Variants in MAP3K11 observed in about 807,000 individuals in gnomAD.
MAP3K11 encodes mitogen-activated protein kinase kinase kinase 11, also known as SH3 domain-containing proline-rich kinase.
Under a neutral mutation model 84.9 loss-of-function variants are expected in MAP3K11, and 46 were observed. That is an observed-to-expected ratio of 0.54 (90% CI 0.43 to 0.69). MAP3K11 has a LOEUF of 0.69. Ranked by LOEUF, MAP3K11 falls within the 30% of genes least tolerant of loss-of-function variation. The pLI, the probability that MAP3K11 is intolerant of heterozygous loss-of-function variation, is 0.00. For synonymous variants in MAP3K11, 527 were observed against 514.7 expected, an observed-to-expected ratio of 1.02 and a Z score of -0.32; for missense variants, 1,053 against 1,198.3, an observed-to-expected ratio of 0.88 and a Z score of 1.79.
Position 65,607,962 on chromosome 11 carries a change from G to A in MAP3K11, c.1029C>T (p.Ile343=), listed in dbSNP as rs368967593. 3 of 1,614,194 alleles carry A rather than the reference G, an allele frequency of 1.9e-6. No individual in the cohort carries two copies. Among genetic ancestry groups the A allele is most frequent in the Non-Finnish European group, 1.7e-6 (2 of 1,180,036 alleles). Residue 343 remains isoleucine (I), a synonymous_variant, in exon 3 of 10, where the codon ATC becomes ATT. Coordinates refer to ENST00000309100, the MANE Select transcript of MAP3K11 (RefSeq NM_002419.4). ...CGAAGGGCTCGGGGCAGGTGGATGGGATGGGCAGTGTGAGCTTGTTAACAG... is the reference window on the plus strand; with the variant it reads ...CGAAGGGCTCGGGGCAGGTGGATGGAATGGGCAGTGTGAGCTTGTTAACAG... ...GVAVNKLTLP[I]PSTCPEPFAQ...
chr11:65,599,040 T>C (rs543461937), intron 9 of MAP3K11, among the ~76,000 whole-genome samples: 106 of 152,338 alleles, frequency 7.0e-4, no homozygotes, highest in African/African-American at 2.4e-3. Context: ...ACATGTATGC[T>C]GTGTCGCCCA....
In MAP3K11 at chr11:65,614,207, C is replaced by G. The variant is rs1854628179; in HGVS notation, c.-451G>C. On this transcript the variant is annotated 5_prime_UTR_variant, in exon 1 of 10. Transcript: ENST00000309100. ...TGTTCCTGGCCCCGTCTCCTTTGGCCCCGACGGCTCCGACCCCGCTCCCTT... is the reference window on the plus strand; with the variant it reads ...TGTTCCTGGCCCCGTCTCCTTTGGCGCCGACGGCTCCGACCCCGCTCCCTT... The G allele has an allele frequency of 6.0e-6, 1 of 165,954 alleles. No individual in the cohort carries two copies. Among genetic ancestry groups the G allele is most frequent in the African/African-American group, 2.4e-5 (1 of 41,850 alleles). 10.3% of individuals were successfully genotyped at this position (165,954 alleles called of 1,614,324 possible).
At chr11:65,599,300 G>A (rs1854421384) in intron 9 of MAP3K11, 94 bp downstream of exon 9, 5 of 1,403,232 alleles carry the variant, frequency 3.6e-6, no homozygotes, top group Non-Finnish European at 4.7e-6. Flanking sequence ...TGTGGTCTCG[G>A]CCTTGCCTCC....
At chr11:65,600,142 G>A (rs924712962) in intron 8 of MAP3K11, among the ~76,000 whole-genome samples, 4 of 152,314 alleles carry the variant, frequency 2.6e-5, no homozygotes, top group South Asian at 2.1e-4. Context: ...GACTGGGACC[G>A]GCGCCCTGTG....
rs569473618 is a variant in MAP3K11 at position 65,598,595 on chromosome 11, C to G, written c.2240G>C (p.Arg747Pro). 1 of 1,572,556 alleles carries G rather than the reference C, an allele frequency of 6.4e-7. No homozygotes were observed. The highest frequency in any genetic ancestry group is 1.8e-5 in the Admixed American group (1 of 54,804). ...GTVSPPPGTSRSAPGTPGTPR... is the reference protein window; with the variant it reads ...GTVSPPPGTSPSAPGTPGTPR... ...GGTGCCTGGGGTGCCAGGAGCAGAG[C>G]GTGATGTCCCCGGTGGGGGTGAGAC... The change falls in exon 10 of 10, where the codon CGC becomes CCC. Residue 747 changes from arginine to proline, a missense_variant. Arg to Pro is a moderately radical substitution (Grantham distance 103). Coordinates refer to ENST00000309100, the MANE Select transcript of MAP3K11 (RefSeq NM_002419.4).
chr11:65,607,641 CT>C lies in MAP3K11; in HGVS notation c.1244del (p.Lys415ArgfsTer4). On this transcript the variant is annotated frameshift_variant and splice_region_variant, in exon 4 of 10. Coordinates refer to ENST00000309100, the MANE Select transcript of MAP3K11 (RefSeq NM_002419.4). LOFTEE classifies it high-confidence loss of function. ...GLFDELRAKE[K>X]ELLSREEELT... ...CGCTGGGTCCCTTGATTCCTCGCAC[CT>C]TTTCCTTGGCTCGCAGCTCGTCGAA... is the stretch of plus-strand genomic sequence containing the variant. The C allele has an allele frequency of 2.5e-6, 4 of 1,604,810 alleles. No homozygotes were observed. Among genetic ancestry groups the C allele is most frequent in the Non-Finnish European group, 2.6e-6 (3 of 1,173,686 alleles).
chr11:65,598,282 C>T lies in MAP3K11; in HGVS notation c.*9G>A, dbSNP rs751789271. ...GGCAGCTGGAGCTCGGGGGAGTGGC[C>T]TGGCCCACTCAAGGCCCCGCTTCCG... is the stretch of plus-strand genomic sequence containing the variant. On this transcript the variant is annotated 3_prime_UTR_variant, in exon 10 of 10. Coordinates refer to ENST00000309100, the MANE Select transcript of MAP3K11 (RefSeq NM_002419.4). 4.8e-6 allele frequency: 7 copies of T among 1,462,134 alleles called. 1 individual carries two copies. The South Asian group carries it at 7.3e-5, about 15-fold the overall frequency. 90.6% of individuals were successfully genotyped at this position (1,462,134 alleles called of 1,614,324 possible).
At chr11:65,608,587 C>A in intron 1 of MAP3K11, 139 bp from the exon 2 acceptor site, 1 of 656,824 alleles carries the variant, frequency 1.5e-6, no homozygotes, top group Admixed American at 3.0e-5. Context: ...ATCTTGAGGA[C>A]CTACTTGAGG....
chr11:65,610,710 C>T (rs560208755), intron 1 of MAP3K11: 1 of 152,402 alleles, frequency 6.6e-6, no homozygotes, highest in Non-Finnish European at 1.5e-5. Context: ...ACTTGTGGCA[C>T]CCCAGACTGG....
intron 9 of MAP3K11, 105 bp from the exon 10 acceptor site, chr11:65,598,733 C>T: frequency 1.3e-6 from 1 of 796,848 alleles, no homozygotes; most frequent in Non-Finnish European, 1.8e-6. Context: ...GCACAGTGAC[C>T]TACTTGACTC....
intron 1 of MAP3K11, 156 bp from the exon 2 acceptor site, chr11:65,608,604 ATTTCT>A (rs1269393077): frequency 2.6e-5 from 16 of 604,286 alleles, no homozygotes; most frequent in African/African-American, 7.6e-5. Context: ...GAGGTCAGAC[ATTTCT>A]TTTCTTTTCC....
At chr11:65,602,727 C>A (rs556877193) in intron 8 of MAP3K11, among the ~76,000 whole-genome samples, 1 of 151,512 alleles carries the variant, frequency 6.6e-6, no homozygotes, top group Non-Finnish European at 1.5e-5. Flanking sequence ...ATTGCTTGAA[C>A]GTGGGAGGTG....
At chr11:65,605,642 T>C in intron 8 of MAP3K11, 119 bp downstream of exon 8, 1 of 698,628 alleles carries the variant, frequency 1.4e-6, no homozygotes, top group South Asian at 2.1e-5. Flanking sequence ...TTTCCTAGTC[T>C]CTAGAATGAG....
intron 7 of MAP3K11, 33 bp from the exon 8 acceptor site, chr11:65,605,885 G>C: frequency 2.5e-6 from 4 of 1,612,746 alleles, no homozygotes; most frequent in Non-Finnish European, 3.4e-6. Flanking sequence ...GGGTGCTTTA[G>C]GAATTTCAGG....
chr11:65,599,743 C>A lies in MAP3K11; in HGVS notation c.1857G>T (p.Glu619Asp). Reference protein sequence around the residue: ...LNGNPPRPSLEPEEPKRPVPA... With the variant: ...LNGNPPRPSLDPEEPKRPVPA... ...GGACAGGCCTCTTGGGCTCCTCGGG[C>A]TCCAGGCTAGGCCGCGGGGGGTTAC... Residue 619 changes from glutamate to aspartate, a missense_variant, in exon 9 of 10, where the codon GAG becomes GAT. Physicochemically the swap from Glu to Asp is conservative, Grantham distance 45. This residue lies in a region of MAP3K11 where 583 missense variants were observed against 566.6 expected (regional missense o/e 1.03). Transcript: ENST00000309100. 1 of 1,592,434 alleles carries A rather than the reference C, an allele frequency of 6.3e-7. No individual in the cohort carries two copies.
At position 65,605,816 on chromosome 11, in the gene MAP3K11, C is replaced by T. The variant is rs1258965001; in HGVS notation, c.1776G>A (p.Leu592=). The change falls in exon 8 of 10, where the codon CTG becomes CTA. Residue 592 remains leucine, a synonymous_variant. Transcript: ENST00000309100. ...RSRMDEATWY[L]DSDDSSPLGS... is the part of the protein sequence containing the mutation. ...CTAAGGGGGATGAGTCATCTGAATCCAGGTACCATGTGGCTTCGTCCATGC... is the reference window on the plus strand; with the variant it reads ...CTAAGGGGGATGAGTCATCTGAATCTAGGTACCATGTGGCTTCGTCCATGC... The T allele has an allele frequency of 6.2e-7, 1 of 1,613,018 alleles. No homozygotes were observed. The highest frequency in any genetic ancestry group is 1.1e-5 in the South Asian group (1 of 90,930).
In MAP3K11 at chr11:65,606,883, G is replaced by T. The variant is rs990686572; in HGVS notation, c.1490-79C>A. The T allele has an allele frequency of 3.8e-5, 35 of 911,040 alleles. No individual in the cohort carries two copies. In the African/African-American group the frequency reaches 5.6e-4, roughly 15 times the overall value. 56.4% of individuals were successfully genotyped at this position (911,040 alleles called of 1,614,324 possible). A position where few individuals can be genotyped will look rare whatever the true frequency, so the allele number is the denominator to read the frequency against. On this transcript the variant is annotated intron_variant, in intron 5 of 9. Coordinates refer to ENST00000309100, the MANE Select transcript of MAP3K11 (RefSeq NM_002419.4). The stretch of plus-strand genomic sequence containing the variant: ...GGACCCCAACCTGCAGGGGCCCAAG[G>T]CCAGCTCCCAGGCCACATAGGGAGC...
chr11:65,605,924 T>TG (rs767500994), intron 7 of MAP3K11, 22 bp downstream of exon 7: 1 of 1,607,806 alleles, frequency 6.2e-7, no homozygotes, highest in Non-Finnish European at 8.5e-7. Context: ...ATGCTGGGTC[T>TG]GGGGGGCACT....
intron 6 of MAP3K11, 138 bp downstream of exon 6, chr11:65,606,553 C>T (rs1451601057): frequency 1.2e-5 from 7 of 597,590 alleles, no homozygotes; most frequent in Non-Finnish European, 1.8e-5. Context: ...TCAGAGGTAA[C>T]AGGCTAGACC....
Sources: allele counts gnomAD v4.1 joint callset (sites outside exome capture counted in the v4.1 genomes callset), GRCh38; gene constraint gnomAD v4.1.1; regional missense constraint gnomAD v4.1.1; transcripts MANE v1.5; gene names NCBI Gene and HGNC (gene_info 2026-07-23, HGNC 2026-07-21).